USP7: variants seen among roughly 807,000 people sequenced by gnomAD.
USP7 encodes ubiquitin C-terminal hydrolase 7.
USP7 carries 9 observed loss-of-function variants against 162.9 expected under a neutral mutation model. That is an observed-to-expected ratio of 0.06 (90% confidence interval 0.03 to 0.10). The LOEUF is 0.10. USP7 is among the 10% of genes least tolerant of loss of function. The probability of loss-of-function intolerance (pLI) is 1.00; values close to 1 mark genes in which losing one functional copy is unlikely to be tolerated. For synonymous variants in USP7, 562 were observed against 475.9 expected (o/e 1.18, Z -2.35); for missense variants, 715 against 1,373.7 (o/e 0.52, Z 7.58).
intron 25 of USP7, 71 bp downstream of exon 25, chr16:8,898,289 G>T: frequency 7.8e-7 from 1 of 1,274,130 alleles, no homozygotes; most frequent in Non-Finnish European, 1.1e-6. Context: ...AGTTTTCAAT[G>T]TCTGGGGACA....
chr16:8,938,636 T>C (rs1008940491), intron 1 of USP7, among the ~76,000 whole-genome samples: 3 of 150,228 alleles, frequency 2.0e-5, no homozygotes, highest in African/African-American at 7.4e-5. Context: ...GGCATGAACC[T>C]GGGAAGCAGA....
intron 2 of USP7, among the ~76,000 whole-genome samples, chr16:8,925,748 A>G (rs952214294): frequency 4.6e-5 from 7 of 152,248 alleles, no homozygotes; most frequent in African/African-American, 1.7e-4. Flanking sequence ...CTCAAGGCAC[A>G]TTTCTTAGAA....
chr16:8,900,468 C>T (rs74483636), intron 21 of USP7, 62 bp downstream of exon 21: 18,308 of 1,312,364 alleles, frequency 0.014, 193 homozygotes, highest in Non-Finnish European at 0.015. Flanking sequence ...TTTCTTGGTT[C>T]TACAACTTAA....
intron 15 of USP7, 71 bp from the exon 16 acceptor site, chr16:8,903,473 TAA>T (rs1376284174): frequency 2.0e-6 from 3 of 1,500,038 alleles, no homozygotes; most frequent in Non-Finnish European, 2.7e-6. Flanking sequence ...TGAACACATT[TAA>T]ACACTAAAAC....
intron 27 of USP7, 151 bp from the exon 28 acceptor site, chr16:8,895,301 A>C: frequency 7.9e-7 from 1 of 1,259,408 alleles, no homozygotes; most frequent in Non-Finnish European, 1.1e-6. Context: ...AGTGATGGGC[A>C]CTCATGGGAG....
At position 8,930,547 on chromosome 16, in the gene USP7, T is replaced by C. The variant is rs1898260101; in HGVS notation, c.80-150A>G. On this transcript the variant is annotated intron_variant, in intron 1 of 30. Coordinates refer to ENST00000344836, the MANE Select transcript of USP7 (RefSeq NM_003470.3). ...GATTCATTCTAATCCAAAAAATATT[T>C]ATACTAATGTTTACTACATACAAAC... The C allele has an allele frequency of 5.1e-6, 3 of 590,500 alleles. No homozygotes were observed. The South Asian group carries it at 8.6e-5, about 17-fold the overall frequency. 36.6% of individuals were successfully genotyped at this position (590,500 alleles called of 1,614,324 possible).
At position 8,900,975 on chromosome 16, in the gene USP7, A is replaced by G; in HGVS notation, c.2208+15T>C. On this transcript the variant is annotated intron_variant, in intron 20 of 30. Transcript: ENST00000344836. ...CTAAGAATATACTAATTATGGAAAA[A>G]TAAACCATCCAAACCTCATAGAGGA... 6.2e-7 allele frequency: 1 copy of G among 1,611,222 alleles called. No homozygotes were observed. The highest frequency in any genetic ancestry group is 8.5e-7 in the Non-Finnish European group (1 of 1,179,198).
chr16:8,903,177 C>A lies in USP7; in HGVS notation c.1839+91G>T, dbSNP rs901693091. 1.7e-5 allele frequency: 25 copies of A among 1,514,204 alleles called. No homozygotes were observed. In the Admixed American group the frequency reaches 3.1e-4, roughly 19 times the overall value. The allele number at this position is 1,514,204 out of a possible 1,614,324, so 93.8% of individuals were successfully genotyped here. On this transcript the variant is annotated intron_variant, in intron 16 of 30. Transcript: ENST00000344836. ...AGGCAGTGGCTGGACACAGCACCTA[C>A]CCCCAAAGGCAATCAGTATTTTCTA...
At chr16:8,952,541 C>G (rs955736793) in intron 1 of USP7, among the ~76,000 whole-genome samples, 1 of 152,286 alleles carries the variant, frequency 6.6e-6, no homozygotes, top group South Asian at 2.1e-4. Flanking sequence ...CTGGGCTCCC[C>G]CTTGCACCTG....
intron 8 of USP7, among the ~76,000 whole-genome samples, chr16:8,916,137 G>C (rs1897357091): frequency 6.6e-6 from 1 of 152,198 alleles, no homozygotes; most frequent in Non-Finnish European, 1.5e-5. Flanking sequence ...GGAGGGGTCT[G>C]GACACTGGAG....
At chr16:8,932,448 T>C (rs902511626) in intron 1 of USP7, among the ~76,000 whole-genome samples, 5 of 152,084 alleles carry the variant, frequency 3.3e-5, no homozygotes, top group African/African-American at 1.2e-4. Context: ...ATACACATAC[T>C]TCTAAACTAG....
chr16:8,963,017 G>A (rs1372599203), intron 1 of USP7, 190 bp downstream of exon 1: 1 of 330,948 alleles, frequency 3.0e-6, no homozygotes, highest in South Asian at 1.4e-4. Flanking sequence ...GGTCCCGGCG[G>A]CCGCCCCTCG....
Position 8,893,879 on chromosome 16 carries a change from A to C in USP7, c.*119T>G. The C allele has an allele frequency of 1.2e-6, 1 of 853,230 alleles. No individual in the cohort carries two copies. The highest frequency in any genetic ancestry group is 1.9e-6 in the Non-Finnish European group (1 of 515,552). The allele number at this position is 853,230 out of a possible 1,614,324, so 52.9% of individuals were successfully genotyped here. On this transcript the variant is annotated 3_prime_UTR_variant, in exon 31 of 31. Coordinates refer to ENST00000344836, the MANE Select transcript of USP7 (RefSeq NM_003470.3). ...TGAACAGCCTCAATAAAATAAAATT[A>C]ACACCAGCAGCGAATCCTCTTGCTG... is the stretch of plus-strand genomic sequence containing the variant.
rs1460213028 is a variant in USP7, at chr16:8,893,328, T to C, written c.*670A>G. The C allele has an allele frequency of 2.6e-5, 4 of 152,272 alleles. No homozygotes were observed. The highest frequency in any genetic ancestry group is 5.9e-5 in the Non-Finnish European group (4 of 68,078). 9.4% of individuals were successfully genotyped at this position (152,272 alleles called of 1,614,324 possible). On this transcript the variant is annotated 3_prime_UTR_variant, in exon 31 of 31. Transcript: ENST00000344836. Reference sequence around the variant, plus strand: ...TAATTGAATTTAACAATGTTCTTGATTTAATAAAAAGACCCCCACAATGTC... The same window carrying C: ...TAATTGAATTTAACAATGTTCTTGACTTAATAAAAAGACCCCCACAATGTC...
Position 8,893,973 on chromosome 16 carries a change from C to A in USP7, c.*25G>T. On this transcript the variant is annotated 3_prime_UTR_variant, in exon 31 of 31. Coordinates refer to ENST00000344836, the MANE Select transcript of USP7 (RefSeq NM_003470.3). ...TAAGGGGCCACCCACACACCGTCCTCGCCTTGAACACACCAGCTTGGAAAT... is the reference window on the plus strand; with the variant it reads ...TAAGGGGCCACCCACACACCGTCCTAGCCTTGAACACACCAGCTTGGAAAT... 1 of 1,609,590 alleles carries A rather than the reference C, an allele frequency of 6.2e-7. No individual in the cohort carries two copies. The highest frequency in any genetic ancestry group is 1.1e-5 in the South Asian group (1 of 90,968).
intron 1 of USP7, among the ~76,000 whole-genome samples, 175 bp from the exon 2 acceptor site, chr16:8,930,572 C>CT (rs1370306502): frequency 2.6e-5 from 4 of 152,216 alleles, no homozygotes; most frequent in African/African-American, 9.6e-5. Context: ...TACATACAAA[C>CT]TTTCGCTGTT....
chr16:8,900,757 T>A, intron 20 of USP7, 127 bp from the exon 21 acceptor site: 1 of 766,516 alleles, frequency 1.3e-6, no homozygotes, highest in Non-Finnish European at 2.1e-6. Flanking sequence ...GTTAAAATGT[T>A]AACAGGAAAA....
chr16:8,897,140 A>ACT, intron 25 of USP7, 41 bp from the exon 26 acceptor site: 4 of 1,469,798 alleles, frequency 2.7e-6, no homozygotes, highest in Non-Finnish European at 3.8e-6. Context: ...TCAAGAAAGC[A>ACT]TAAAAGGTCT....
intron 1 of USP7, among the ~76,000 whole-genome samples, chr16:8,933,197 C>G (rs1898472536): frequency 6.6e-6 from 1 of 152,168 alleles, no homozygotes; most frequent in East Asian, 1.9e-4. Context: ...GCCGTGGCCT[C>G]TCAAAGTGCT....
Sources: allele counts gnomAD v4.1 joint callset (sites outside exome capture counted in the v4.1 genomes callset), GRCh38; gene constraint gnomAD v4.1.1; transcripts MANE v1.5; gene names NCBI Gene and HGNC (gene_info 2026-07-23, HGNC 2026-07-21).